The following SMAD2 variants were observed in gnomAD, a reference collection of about 807,000 sequenced individuals.
The protein encoded by SMAD2 is SMAD family member 2, also known as MAD homolog 2.
In SMAD2, 8 loss-of-function variants were observed where a neutral mutation model predicts 64.4. The ratio of observed to expected loss-of-function variants is 0.12; its 90% CI spans 0.07 to 0.22. SMAD2 has a LOEUF of 0.22. Among genes scored for constraint, SMAD2 ranks in the 10% least tolerant of loss-of-function variants. The pLI is 1.00. For synonymous variants in SMAD2, 203 were observed against 195.8 expected, an observed-to-expected ratio of 1.04 and a Z score of -0.31; for missense variants, 289 against 561.2, an observed-to-expected ratio of 0.51 and a Z score of 4.90.
chr18:47,861,972 G>A (rs1268953597), intron 6 of SMAD2, among the ~76,000 whole-genome samples: 5 of 152,156 alleles, frequency 3.3e-5, no homozygotes, highest in African/African-American at 1.2e-4. Context: ...GCATATGTAA[G>A]AGGAACATTT....
At chr18:47,924,703 T>C (rs1455468612) in intron 1 of SMAD2, among the ~76,000 whole-genome samples, 1 of 152,052 alleles carries the variant, frequency 6.6e-6, no homozygotes, top group Admixed American at 6.5e-5. Context: ...CTCAAAGTGA[T>C]CCGCCCGCCT....
intron 6 of SMAD2, among the ~76,000 whole-genome samples, chr18:47,851,835 T>G (rs2030123317): frequency 6.6e-6 from 1 of 152,206 alleles, no homozygotes; most frequent in Non-Finnish European, 1.5e-5. Context: ...ACCAATGCTT[T>G]GAGATTGCAA....
chr18:47,882,041 C>CTGTTTTTTTTTTTT (rs2032625489), intron 2 of SMAD2, among the ~76,000 whole-genome samples: 1 of 38,850 alleles, frequency 2.6e-5, no homozygotes, highest in Non-Finnish European at 4.8e-5. Context: ...CCACGCTTGG[C>CTGTTTTTTTTTTTT]TTTTTTTTTT....
intron 1 of SMAD2, among the ~76,000 whole-genome samples, chr18:47,921,447 T>C (rs2014192278): frequency 6.6e-6 from 1 of 152,192 alleles, no homozygotes; most frequent in Non-Finnish European, 1.5e-5. Flanking sequence ...AATTTTGGAT[T>C]GCAGTCATGG....
intron 2 of SMAD2, among the ~76,000 whole-genome samples, chr18:47,872,697 G>A (rs2032011456): frequency 6.6e-6 from 1 of 152,114 alleles, no homozygotes; most frequent in Non-Finnish European, 1.5e-5. Flanking sequence ...ATTGTGAACT[G>A]CACATGCGAG....
rs1912679482 is a variant in SMAD2, at chr18:47,824,431, A to G, written c.*17396T>C. The G allele has an allele frequency of 6.6e-6, 1 of 152,236 alleles. No individual in the cohort carries two copies. The highest frequency in any genetic ancestry group is 2.4e-5 in the African/African-American group (1 of 41,460). The allele number at this position is 152,236 out of a possible 1,614,324, so 9.4% of individuals were successfully genotyped here. A position where few individuals can be genotyped will look rare whatever the true frequency, so the allele number is the denominator to read the frequency against. On this transcript the variant is annotated 3_prime_UTR_variant, in exon 11 of 11. Transcript: ENST00000262160. ...TTGTTATTAATCCTTGTAGCCAAGA[A>G]TAATTATTTCAAGACAATTATATAA... is the stretch of plus-strand genomic sequence containing the variant.
In SMAD2 at chr18:47,836,551, T is replaced by C. The variant is rs531187390; in HGVS notation, c.*5276A>G. The C allele has an allele frequency of 9.2e-6, 2 of 217,750 alleles. No homozygotes were observed. Among genetic ancestry groups the C allele is most frequent in the East Asian group, 6.8e-5 (1 of 14,678 alleles). The allele number at this position is 217,750 out of a possible 1,614,324, so 13.5% of individuals were successfully genotyped here. On this transcript the variant is annotated 3_prime_UTR_variant, in exon 11 of 11. Coordinates refer to ENST00000262160, the MANE Select transcript of SMAD2 (RefSeq NM_005901.6). ...TTACCAGGATCTGAGATTTAAACAA[T>C]GGAACAATTGTTTTAACTGTTAGAA...
intron 2 of SMAD2, among the ~76,000 whole-genome samples, chr18:47,879,495 CGTGTGTGTGTGTGTGTGTGT>C (rs58440360): frequency 7.1e-6 from 1 of 141,340 alleles, no homozygotes; most frequent in African/African-American, 2.6e-5. Context: ...ATGTATATGA[CGTGTGTGTGTGTGTGTGTGT>C]GTGTGTGTGT....
chr18:47,860,499 T>C (rs1016632148), intron 6 of SMAD2, among the ~76,000 whole-genome samples: 4 of 152,042 alleles, frequency 2.6e-5, no homozygotes, highest in Non-Finnish European at 5.9e-5. Flanking sequence ...CCTAGGTTGG[T>C]CTTGACCTCC....
In SMAD2 at chr18:47,833,526, G is replaced by C; in HGVS notation, c.*8301C>G. On this transcript the variant is annotated 3_prime_UTR_variant, in exon 11 of 11. Transcript: ENST00000262160. ...TGCAGCCACTAAGGACTTCCAGAGG[G>C]AAACAAGAACAGGGTCTGCATCCAT... 1 of 230,266 alleles carries C rather than the reference G, an allele frequency of 4.3e-6. No homozygotes were observed. The highest frequency in any genetic ancestry group is 8.6e-6 in the Non-Finnish European group (1 of 115,932). 14.3% of individuals were successfully genotyped at this position (230,266 alleles called of 1,614,324 possible).
At chr18:47,887,389 G>C (rs1348313737) in intron 2 of SMAD2, among the ~76,000 whole-genome samples, 2 of 152,134 alleles carry the variant, frequency 1.3e-5, no homozygotes, top group Non-Finnish European at 2.9e-5. Flanking sequence ...AGAGAAAAGG[G>C]GCACGATCTT....
chr18:47,916,361 TG>T (rs2034335682), intron 1 of SMAD2, among the ~76,000 whole-genome samples: 1 of 152,140 alleles, frequency 6.6e-6, no homozygotes, highest in Non-Finnish European at 1.5e-5. Context: ...TCTGGTGTTT[TG>T]CTTGAGGACT....
chr18:47,858,554 G>A (rs2144342821), intron 6 of SMAD2, among the ~76,000 whole-genome samples: 1 of 152,082 alleles, frequency 6.6e-6, no homozygotes, highest in South Asian at 2.1e-4. Flanking sequence ...GATATCAAAA[G>A]CAAAAAATAA....
chr18:47,924,407 G>A (rs576229398), intron 1 of SMAD2, among the ~76,000 whole-genome samples: 25 of 152,100 alleles, frequency 1.6e-4, no homozygotes, highest in African/African-American at 6.0e-4. Flanking sequence ...CATCATTTAT[G>A]AGGATTTTAT....
intron 7 of SMAD2, among the ~76,000 whole-genome samples, chr18:47,850,676 T>A (rs1181606594): frequency 3.0e-5 from 1 of 33,028 alleles, no homozygotes; most frequent in Non-Finnish European, 5.4e-5. Flanking sequence ...TATATATATA[T>A]TATATATATA....
intron 2 of SMAD2, among the ~76,000 whole-genome samples, chr18:47,883,840 T>C (rs552063393): frequency 6.6e-6 from 1 of 152,370 alleles, no homozygotes; most frequent in South Asian, 2.1e-4. Flanking sequence ...ATCCTGTTTG[T>C]GTTGAATAAG....
intron 6 of SMAD2, among the ~76,000 whole-genome samples, chr18:47,861,072 T>C (rs1450068917): frequency 6.6e-6 from 1 of 152,060 alleles, no homozygotes; most frequent in East Asian, 1.9e-4. Context: ...AGAAAAACTG[T>C]CAGCCGGGCA....
rs1913054990 is a variant in SMAD2, at chr18:47,832,806, GAAAT to G, written c.*9017_*9020del. The G allele has an allele frequency of 6.6e-6, 1 of 152,272 alleles. No homozygotes were observed. The highest frequency in any genetic ancestry group is 1.5e-5 in the Non-Finnish European group (1 of 68,122). 9.4% of individuals were successfully genotyped at this position (152,272 alleles called of 1,614,324 possible). A position where few individuals can be genotyped will look rare whatever the true frequency, so the allele number is the denominator to read the frequency against. Reference sequence around the variant, plus strand: ...CGCTAATGTAGCATAGGCAAACTCTGAAATAAATAAAAATGTATAAATAGCACTG... The same window carrying G: ...CGCTAATGTAGCATAGGCAAACTCTGAAATAAAAATGTATAAATAGCACTG... On this transcript the variant is annotated 3_prime_UTR_variant, in exon 11 of 11. Transcript: ENST00000262160.
intron 1 of SMAD2, among the ~76,000 whole-genome samples, chr18:47,923,846 C>T (rs1163065676): frequency 6.6e-6 from 1 of 152,156 alleles, no homozygotes; most frequent in East Asian, 1.9e-4. Flanking sequence ...GCAGAAATGG[C>T]CAATGCACAA....
Sources: allele counts gnomAD v4.1 joint callset (sites outside exome capture counted in the v4.1 genomes callset), GRCh38; gene constraint gnomAD v4.1.1; transcripts MANE v1.5; gene names NCBI Gene and HGNC (gene_info 2026-07-23, HGNC 2026-07-21).